Variants in GALNT17 observed in about 807,000 individuals in gnomAD.
The protein encoded by GALNT17 is UDP-GalNAc:polypeptide N-acetylgalactosaminyltransferase-like 3.
GALNT17 carries 29 observed loss-of-function variants against 63.7 expected under a neutral mutation model. The observed-to-expected ratio is 0.46, with a 90% CI of 0.34 to 0.62. The LOEUF (loss-of-function observed/expected upper bound fraction) is 0.62. GALNT17 is among the 20% of genes least tolerant of loss of function. The probability of loss-of-function intolerance (pLI) is 0.01; values close to 1 mark genes in which losing one functional copy is unlikely to be tolerated. For synonymous variants in GALNT17, 305 were observed against 318.3 expected, an observed-to-expected ratio of 0.96 and a Z score of 0.45; for missense variants, 603 against 799.6, an observed-to-expected ratio of 0.75 and a Z score of 2.97.
At chr7:71,566,174 G>A (rs1465892207) in intron 5 of GALNT17, among the ~76,000 whole-genome samples, 1 of 151,958 alleles carries the variant, frequency 6.6e-6, no homozygotes, top group African/African-American at 2.4e-5. Flanking sequence ...ACCACACCTG[G>A]CCAGAAGCTG....
intron 5 of GALNT17, among the ~76,000 whole-genome samples, chr7:71,450,997 T>C (rs1236036625): frequency 6.6e-6 from 1 of 151,744 alleles, no homozygotes; most frequent in African/African-American, 2.4e-5. Context: ...TTGCTACATA[T>C]GTATACATGT....
chr7:71,298,239 C>T (rs1004231725), intron 1 of GALNT17, among the ~76,000 whole-genome samples: 2 of 152,024 alleles, frequency 1.3e-5, no homozygotes, highest in Non-Finnish European at 1.5e-5. Flanking sequence ...AAGCTGGTCT[C>T]GAACTCCTGA....
chr7:71,585,620 G>T (rs1184079487), intron 6 of GALNT17, among the ~76,000 whole-genome samples: 1 of 151,794 alleles, frequency 6.6e-6, no homozygotes, highest in African/African-American at 2.4e-5. Context: ...CAATAATATG[G>T]ACTCAAGGGT....
At chr7:71,442,270 C>T (rs1389444179) in intron 5 of GALNT17, among the ~76,000 whole-genome samples, 1 of 152,140 alleles carries the variant, frequency 6.6e-6, no homozygotes, top group Admixed American at 6.5e-5. Context: ...GATCTCAGCT[C>T]ACTGCAAGCT....
At chr7:71,438,886 T>C (rs1041665652) in intron 5 of GALNT17, among the ~76,000 whole-genome samples, 3 of 123,946 alleles carry the variant, frequency 2.4e-5, no homozygotes, top group African/African-American at 8.3e-5. Flanking sequence ...AAAGATAGAC[T>C]TTTTTTTTTT....
At chr7:71,174,617 A>G (rs1200558544) in intron 1 of GALNT17, among the ~76,000 whole-genome samples, 4 of 152,106 alleles carry the variant, frequency 2.6e-5, no homozygotes, top group African/African-American at 7.2e-5. Flanking sequence ...GTTAGGAGCA[A>G]TGTTTTGCGG....
chr7:71,480,131 G>A (rs1475918397), intron 5 of GALNT17, among the ~76,000 whole-genome samples: 1 of 148,152 alleles, frequency 6.7e-6, no homozygotes, highest in East Asian at 2.0e-4. Context: ...CACAGCTCTT[G>A]GAGACCCCCT....
At chr7:71,378,882 G>C (rs926003630) in intron 2 of GALNT17, among the ~76,000 whole-genome samples, 1 of 152,050 alleles carries the variant, frequency 6.6e-6, no homozygotes, top group African/African-American at 2.4e-5. Flanking sequence ...CACGCCTGTA[G>C]TCCCAGCTAC....
chr7:71,340,837 CA>C (rs1791993957), intron 2 of GALNT17, among the ~76,000 whole-genome samples: 1 of 152,054 alleles, frequency 6.6e-6, no homozygotes. Flanking sequence ...AGTTTGAGAC[CA>C]GCCTGGCCAA....
chr7:71,525,736 CTTTTTTTTT>C (rs71089950), intron 5 of GALNT17, among the ~76,000 whole-genome samples: 2 of 75,062 alleles, frequency 2.7e-5, no homozygotes, highest in African/African-American at 9.9e-5. Context: ...TATGTCTTTT[CTTTTTTTTT>C]TTTTTTTTTT....
At chr7:71,693,066 C>G (rs1791479794) in intron 9 of GALNT17, among the ~76,000 whole-genome samples, 1 of 151,696 alleles carries the variant, frequency 6.6e-6, no homozygotes, top group South Asian at 2.1e-4. Context: ...AGATAGATAA[C>G]TATATACTAG....
chr7:71,431,021 C>G (rs1238316741), intron 5 of GALNT17, among the ~76,000 whole-genome samples: 1 of 151,904 alleles, frequency 6.6e-6, no homozygotes, highest in East Asian at 1.9e-4. Flanking sequence ...TGTGATAGCA[C>G]TTCAGGGCAA....
chr7:71,245,115 A>G (rs1468993993), intron 1 of GALNT17, among the ~76,000 whole-genome samples: 1 of 152,092 alleles, frequency 6.6e-6, no homozygotes, highest in Non-Finnish European at 1.5e-5. Context: ...CTCCTGGATA[A>G]TAAGTGGTTG....
chr7:71,637,488 C>CA (rs1488969550), intron 6 of GALNT17, among the ~76,000 whole-genome samples: 2 of 128,494 alleles, frequency 1.6e-5, no homozygotes, highest in African/African-American at 3.2e-5. Context: ...CGCACCTGGC[C>CA]ATTTTTTTTT....
chr7:71,412,726 T>C (rs575993606), intron 3 of GALNT17, among the ~76,000 whole-genome samples: 13 of 152,274 alleles, frequency 8.5e-5, no homozygotes, highest in African/African-American at 3.1e-4. Context: ...GTTCTTCTCT[T>C]CTCTTCTTTT....
chr7:71,631,587 C>T (rs1790453395), intron 6 of GALNT17, among the ~76,000 whole-genome samples: 1 of 152,114 alleles, frequency 6.6e-6, no homozygotes, highest in South Asian at 2.1e-4. Context: ...AGCCCTTCAA[C>T]AAGAACAAGC....
intron 2 of GALNT17, among the ~76,000 whole-genome samples, chr7:71,345,772 A>T (rs533492157): frequency 5.8e-4 from 88 of 152,260 alleles, no homozygotes; most frequent in African/African-American, 2.1e-3. Flanking sequence ...TGTGAAAAGG[A>T]CACATCTGAT....
At chr7:71,485,932 T>G (rs1025595803) in intron 5 of GALNT17, among the ~76,000 whole-genome samples, 10 of 152,204 alleles carry the variant, frequency 6.6e-5, no homozygotes, top group African/African-American at 2.4e-4. Context: ...TTTCTCTGAT[T>G]GGAGCAAAAT....
intron 1 of GALNT17, among the ~76,000 whole-genome samples, chr7:71,246,188 C>G (rs1424467236): frequency 7.6e-6 from 1 of 130,732 alleles, no homozygotes; most frequent in South Asian, 2.5e-4. Context: ...ATGGCGCGAT[C>G]TCTGCTCACT....
Sources: gnomAD v4.1 joint callset for allele counts (sites outside exome capture counted in the v4.1 genomes callset) on GRCh38, gnomAD v4.1.1 for gene constraint, MANE v1.5 for transcripts, NCBI Gene and HGNC (gene_info 2026-07-23, HGNC 2026-07-21) for gene names.